NHSL1: variants seen among roughly 807,000 people sequenced by gnomAD.
NHSL1 encodes the protein NHS-like protein 1.
NHSL1 carries 48 observed loss-of-function variants against 95.0 expected under a neutral mutation model. The ratio of observed to expected loss-of-function variants is 0.51; its 90% confidence interval spans 0.40 to 0.64. NHSL1 has a LOEUF of 0.64. NHSL1 is among the 30% of genes least tolerant of loss of function. The pLI is 0.00. For missense variants in NHSL1, 1,971 were observed against 2,077.7 expected (o/e 0.95, Z 1.00); for synonymous variants, 783 against 833.9 (o/e 0.94, Z 1.05).
At chr6:138,591,999 TG>T (rs1280420282) in intron 1 of NHSL1, among the ~76,000 whole-genome samples, 16 of 152,340 alleles carry the variant, frequency 1.1e-4, no homozygotes, top group Admixed American at 1.0e-3. Flanking sequence ...GGGAGACGAC[TG>T]TAACTTTGAA....
At chr6:138,498,770 A>G (rs1420138505) in intron 1 of NHSL1, among the ~76,000 whole-genome samples, 10 of 152,182 alleles carry the variant, frequency 6.6e-5, no homozygotes, top group African/African-American at 2.4e-4. Flanking sequence ...AGGGAGTTTC[A>G]GGGGATTATC....
At chr6:138,670,579 T>C (rs1785352779) in intron 1 of NHSL1, among the ~76,000 whole-genome samples, 1 of 134,518 alleles carries the variant, frequency 7.4e-6, no homozygotes, top group Non-Finnish European at 1.5e-5. Context: ...GGCAGGAGAA[T>C]GGCGTGAACC....
chr6:138,428,073 G>C (rs113975301), intron 7 of NHSL1, among the ~76,000 whole-genome samples: 267 of 152,294 alleles, frequency 1.8e-3, no homozygotes, highest in Admixed American at 4.4e-3. Context: ...AAATATAGAA[G>C]AGGCCTTTGG....
In NHSL1 at chr6:138,499,172, CAT is replaced by C; in HGVS notation, c.58+59_58+60del. 3.7e-6 allele frequency: 4 copies of C among 1,071,336 alleles called. No individual in the cohort carries two copies. The South Asian group carries it at 5.5e-5, about 15-fold the overall frequency. 66.4% of individuals were successfully genotyped at this position (1,071,336 alleles called of 1,614,324 possible). ...ACACACACACACAGACACACAGGGA[CAT>C]ATACACATATGGAAACATATGCACA... On this transcript the variant is annotated intron_variant, in intron 1 of 7. Transcript: ENST00000343505.
chr6:138,657,707 C>G (rs6570252), intron 1 of NHSL1, among the ~76,000 whole-genome samples: 3 of 147,616 alleles, frequency 2.0e-5, no homozygotes, highest in African/African-American at 7.5e-5. Flanking sequence ...CCCAGCTACT[C>G]GGGAGGCAGA....
intron 1 of NHSL1, among the ~76,000 whole-genome samples, chr6:138,531,724 G>C (rs1782142607): frequency 6.6e-6 from 1 of 152,028 alleles, no homozygotes; most frequent in African/African-American, 2.4e-5. Context: ...ATGTTGCTTA[G>C]GCGGGTCTTC....
At chr6:138,439,675 A>T (rs550369582) in intron 5 of NHSL1, among the ~76,000 whole-genome samples, 1 of 152,252 alleles carries the variant, frequency 6.6e-6, no homozygotes, top group Non-Finnish European at 1.5e-5. Context: ...TAAAAAAACT[A>T]GCTCTTAGAT....
chr6:138,678,193 T>A (rs962114941), intron 1 of NHSL1, among the ~76,000 whole-genome samples: 1 of 25,756 alleles, frequency 3.9e-5, no homozygotes, highest in Non-Finnish European at 5.8e-5. Flanking sequence ...AAAAGAAGAT[T>A]TTTTTCTCCT....
intron 7 of NHSL1, among the ~76,000 whole-genome samples, chr6:138,425,546 T>C (rs74335694): frequency 1.3e-5 from 2 of 152,092 alleles, no homozygotes; most frequent in Admixed American, 6.6e-5. Context: ...TTGAAACAAA[T>C]CTTAGACACT....
intron 1 of NHSL1, among the ~76,000 whole-genome samples, chr6:138,513,617 G>T (rs547458744): frequency 1.8e-4 from 28 of 152,146 alleles, no homozygotes; most frequent in Admixed American, 1.3e-3. Flanking sequence ...GGTAAAGGAA[G>T]AAGCAAGAGT....
chr6:138,692,349 T>G lies in NHSL1; in HGVS notation c.96+127A>C. 1 of 344,046 alleles carries G rather than the reference T, an allele frequency of 2.9e-6. No homozygotes were observed. Among genetic ancestry groups the G allele is most frequent in the South Asian group, 2.3e-5 (1 of 44,390 alleles). The allele number at this position is 344,046 out of a possible 1,614,324, so 21.3% of individuals were successfully genotyped here. On this transcript the variant is annotated intron_variant, in intron 1 of 3. Coordinates refer to the NHSL1 transcript ENST00000491526. The surrounding 1 kb of genome is among the most constrained non-coding windows in gnomAD (Gnocchi z 4.0). Reference sequence around the variant, plus strand: ...CCCGCTGGGGTCCGGCAGTCCCCACTGGAGACCCCGACATCGCGGGGCTCC... The same window carrying G: ...CCCGCTGGGGTCCGGCAGTCCCCACGGGAGACCCCGACATCGCGGGGCTCC...
chr6:138,497,764 G>A (rs776270000), intron 1 of NHSL1, among the ~76,000 whole-genome samples: 8 of 152,172 alleles, frequency 5.3e-5, no homozygotes, highest in Non-Finnish European at 1.0e-4. Flanking sequence ...TGGGCCACAT[G>A]CTAGCGCTCA....
At position 138,557,020 on chromosome 6, in the gene NHSL1, CT is replaced by C. The variant is rs1330888752; in HGVS notation, c.202+14689del. Among the ~76,000 whole-genome samples the C allele has an allele frequency of 4.6e-5, 7 of 152,220 alleles. No homozygotes were observed. The East Asian group carries it at 1.4e-3, about 29-fold the overall frequency. ...AAATCAAGGTTTAAAAGCATACTTG[CT>C]TAGTAAGTGAAACAAAGCAGTAGAT... On this transcript the variant is annotated intron_variant, in intron 1 of 6. Transcript: ENST00000427025.
chr6:138,479,553 C>A (rs79075200), intron 2 of NHSL1, among the ~76,000 whole-genome samples: 20,998 of 152,116 alleles, frequency 0.14, 1,553 homozygotes, highest in African/African-American at 0.18. Flanking sequence ...ATGGAGGGGG[C>A]TGTTGTGAGA....
chr6:138,628,097 G>T (rs1784767349), intron 1 of NHSL1, among the ~76,000 whole-genome samples: 1 of 151,806 alleles, frequency 6.6e-6, no homozygotes, highest in Admixed American at 6.6e-5. Context: ...TGGATCACCT[G>T]AAGTTGGGAG....
chr6:138,480,634 T>C (rs1779362686), intron 2 of NHSL1, among the ~76,000 whole-genome samples: 1 of 152,204 alleles, frequency 6.6e-6, no homozygotes, highest in Admixed American at 6.5e-5. Context: ...TTTTAAAAAC[T>C]GAATGTGGTT....
chr6:138,647,657 A>C (rs1785037436), intron 1 of NHSL1, among the ~76,000 whole-genome samples: 1 of 147,208 alleles, frequency 6.8e-6, no homozygotes, highest in South Asian at 2.1e-4. Context: ...GCTGGAGTGC[A>C]GTGGCATAAT....
At chr6:138,636,523 A>C (rs1461773422) in intron 1 of NHSL1, among the ~76,000 whole-genome samples, 1 of 152,208 alleles carries the variant, frequency 6.6e-6, no homozygotes, top group African/African-American at 2.4e-5. Flanking sequence ...AAAACTGAAG[A>C]CCATCAAAAA....
chr6:138,561,078 C>G (rs1248130270), intron 1 of NHSL1, among the ~76,000 whole-genome samples: 1 of 152,126 alleles, frequency 6.6e-6, no homozygotes, highest in African/African-American at 2.4e-5. Context: ...TTTACTGTAC[C>G]ACTAAAATTA....
Sources: allele counts gnomAD v4.1 joint callset (sites outside exome capture counted in the v4.1 genomes callset), GRCh38; gene constraint gnomAD v4.1.1; non-coding constraint Gnocchi (gnomAD v3.1); transcripts MANE v1.5; gene names NCBI Gene and HGNC (gene_info 2026-07-23, HGNC 2026-07-21).